Variants in NHEJ1 observed in about 807,000 individuals in gnomAD.
NHEJ1 encodes the protein non-homologous end-joining factor 1.
NHEJ1 carries 22 observed loss-of-function variants against 39.4 expected under a neutral mutation model. That is an observed-to-expected ratio of 0.56 (90% CI 0.40 to 0.80). NHEJ1 has a LOEUF of 0.80. Among genes scored for constraint, NHEJ1 ranks in the 30% least tolerant of loss-of-function variants. The probability of loss-of-function intolerance (pLI) is 0.00; values close to 1 mark genes in which losing one functional copy is unlikely to be tolerated. For missense variants in NHEJ1, 329 were observed against 357.1 expected, an observed-to-expected ratio of 0.92 and a Z score of 0.63; for synonymous variants, 154 against 135.6, an observed-to-expected ratio of 1.14 and a Z score of -0.94.
In NHEJ1 at chr2:219,070,719, T is replaced by C. The variant is rs1948949406; in HGVS notation, c.*5662A>G. ...TAATTCAAAATACCATTGTACAGCT[T>C]ATCCTTCTGAAATGATCTATTCCCT... On this transcript the variant is annotated 3_prime_UTR_variant, in exon 8 of 8. Coordinates refer to ENST00000356853, the MANE Select transcript of NHEJ1 (RefSeq NM_024782.3). Among the ~76,000 whole-genome samples, 1 of 152,146 alleles carries C rather than the reference T, an allele frequency of 6.6e-6. No individual in the cohort carries two copies. Among genetic ancestry groups the C allele is most frequent in the South Asian group, 2.1e-4 (1 of 4,826 alleles).
intron 5 of NHEJ1, among the ~76,000 whole-genome samples, chr2:219,136,433 C>A (rs1949629458): frequency 6.6e-6 from 1 of 151,938 alleles, no homozygotes; most frequent in Non-Finnish European, 1.5e-5. Context: ...GGATCACAAG[C>A]CTGTGCCACC....
At chr2:219,122,654 G>GCCT (rs1008784851) in intron 5 of NHEJ1, among the ~76,000 whole-genome samples, 18 of 152,042 alleles carry the variant, frequency 1.2e-4, no homozygotes, top group African/African-American at 4.1e-4. Context: ...CTTAAGATTT[G>GCCT]CCTCCTCCTC....
chr2:219,077,160 T>C (rs989539864), intron 7 of NHEJ1, 86 bp downstream of exon 7: 1 of 979,272 alleles, frequency 1.0e-6, no homozygotes, highest in African/African-American at 1.6e-5. Context: ...GCAGTGCCAA[T>C]GAAGCAGCAA....
rs963608211 is a variant in NHEJ1, at chr2:219,069,827, A to C, written c.*6554T>G. The C allele has an allele frequency of 6.6e-6, 1 of 152,234 alleles. No homozygotes were observed. Among genetic ancestry groups the C allele is most frequent in the African/African-American group, 2.4e-5 (1 of 41,464 alleles). 9.4% of individuals were successfully genotyped at this position (152,234 alleles called of 1,614,324 possible). A position where few individuals can be genotyped will look rare whatever the true frequency, so the allele number is the denominator to read the frequency against. Reference sequence around the variant, plus strand: ...ATAGGAAGCCTATAAAGTTGGCTTAAACCTCATGTTGATTAAACCTCATGG... The same window carrying C: ...ATAGGAAGCCTATAAAGTTGGCTTACACCTCATGTTGATTAAACCTCATGG... On this transcript the variant is annotated 3_prime_UTR_variant, in exon 8 of 8. Coordinates refer to ENST00000356853, the MANE Select transcript of NHEJ1 (RefSeq NM_024782.3).
At chr2:219,077,205 C>G in intron 7 of NHEJ1, 41 bp downstream of exon 7, 1 of 1,471,852 alleles carries the variant, frequency 6.8e-7, no homozygotes, top group Non-Finnish European at 9.5e-7. Context: ...CTATAGGTGC[C>G]AACTCTCAGA....
chr2:219,121,407 C>T (rs1949470124), intron 5 of NHEJ1, among the ~76,000 whole-genome samples: 1 of 152,152 alleles, frequency 6.6e-6, no homozygotes, highest in East Asian at 1.9e-4. Flanking sequence ...AATGAACTAC[C>T]ATTCAATCTA....
rs376861632 is a variant in NHEJ1 at position 219,147,736 on chromosome 2, C to G, written c.450G>C (p.Val150=). The G allele has an allele frequency of 6.2e-7, 1 of 1,614,180 alleles. No homozygotes were observed. The highest frequency in any genetic ancestry group is 1.1e-5 in the South Asian group (1 of 91,084). ...MGMSLALQCQ[V]RELATLLHMK... The stretch of plus-strand genomic sequence containing the variant: ...TATGAAGTAACGTTGCTAGCTCCCT[C>G]ACTTGGCACTGTAATGCCAGACTCA... Residue 150 remains valine (V), a synonymous_variant, in exon 4 of 8, where the codon GTG becomes GTC. Coordinates refer to ENST00000356853, the MANE Select transcript of NHEJ1 (RefSeq NM_024782.3).
At chr2:219,158,535 C>A (rs879638279) in intron 1 of NHEJ1, among the ~76,000 whole-genome samples, 173 bp from the exon 2 acceptor site, 2 of 152,156 alleles carry the variant, frequency 1.3e-5, no homozygotes, top group Non-Finnish European at 2.9e-5. Flanking sequence ...GACTTTACTA[C>A]CTCCTGGCCA....
chr2:219,098,408 C>T (rs981992632), intron 5 of NHEJ1, among the ~76,000 whole-genome samples: 9 of 152,122 alleles, frequency 5.9e-5, no homozygotes, highest in African/African-American at 2.2e-4. Flanking sequence ...ATTACCAGAG[C>T]AATTTCCTTG....
At chr2:219,105,085 T>G (rs1949301679) in intron 5 of NHEJ1, among the ~76,000 whole-genome samples, 1 of 152,168 alleles carries the variant, frequency 6.6e-6, no homozygotes, top group Non-Finnish European at 1.5e-5. Flanking sequence ...GGGGATATTC[T>G]GGTTAAACAC....
At chr2:219,137,642 C>T (rs1332037362) in intron 5 of NHEJ1, among the ~76,000 whole-genome samples, 5 of 146,398 alleles carry the variant, frequency 3.4e-5, no homozygotes, top group African/African-American at 1.3e-4. Flanking sequence ...TCTGCCAGCC[C>T]AACATTTAAG....
rs1445409672 is a variant in NHEJ1, at chr2:219,075,888, A to AC, written c.*492_*493insG. On this transcript the variant is annotated 3_prime_UTR_variant, in exon 8 of 8. Transcript: ENST00000356853. ...AGGACCAGACTGATGGCTAGACTTC[A>AC]TCCAGAGACAACAATGGGGTGGGAC... 5.4e-5 allele frequency: 9 copies of AC among 165,304 alleles called. No individual in the cohort carries two copies. Among genetic ancestry groups the AC allele is most frequent in the Admixed American group, 2.4e-4 (4 of 16,796 alleles). The allele number at this position is 165,304 out of a possible 1,614,324, so 10.2% of individuals were successfully genotyped here.
At chr2:219,100,091 T>A (rs559308182) in intron 5 of NHEJ1, among the ~76,000 whole-genome samples, 30 of 152,280 alleles carry the variant, frequency 2.0e-4, no homozygotes, top group African/African-American at 7.2e-4. Flanking sequence ...GGACATAAAG[T>A]AAGAATCTTC....
chr2:219,145,086 G>A (rs7597039), intron 5 of NHEJ1, among the ~76,000 whole-genome samples: 8 of 151,952 alleles, frequency 5.3e-5, no homozygotes, highest in Non-Finnish European at 8.8e-5. Flanking sequence ...GTGGTGGTGC[G>A]CACCTGTAAT....
chr2:219,158,435 T>C, intron 1 of NHEJ1, 73 bp from the exon 2 acceptor site: 1 of 1,421,986 alleles, frequency 7.0e-7, no homozygotes, highest in Non-Finnish European at 9.9e-7. Flanking sequence ...CCCAAACCAG[T>C]CTGTATCAAC....
intron 5 of NHEJ1, among the ~76,000 whole-genome samples, chr2:219,089,548 A>G (rs556518638): frequency 6.6e-6 from 1 of 152,330 alleles, no homozygotes; most frequent in East Asian, 1.9e-4. Flanking sequence ...ATCCATAAAG[A>G]CAGAGAGTAG....
At chr2:219,154,480 CA>C (rs1225488420) in intron 3 of NHEJ1, among the ~76,000 whole-genome samples, 1 of 151,886 alleles carries the variant, frequency 6.6e-6, no homozygotes, top group Non-Finnish European at 1.5e-5. Context: ...ATTACTCATT[CA>C]AAAAAATTAA....
At chr2:219,088,941 T>C (rs1411650213) in intron 5 of NHEJ1, among the ~76,000 whole-genome samples, 1 of 152,006 alleles carries the variant, frequency 6.6e-6, no homozygotes, top group African/African-American at 2.4e-5. Context: ...GCCTCCCGAG[T>C]AGCTGGGACT....
At chr2:219,091,802 GTATGTGTATATATGAAGTA>G (rs1949162259) in intron 5 of NHEJ1, among the ~76,000 whole-genome samples, 1 of 150,342 alleles carries the variant, frequency 6.7e-6, no homozygotes, top group Admixed American at 6.6e-5. Flanking sequence ...ATGAACAAGG[GTATGTGTATATATGAAGTA>G]TGTGTGTATA....
Sources: gnomAD v4.1 joint callset for allele counts (sites outside exome capture counted in the v4.1 genomes callset) on GRCh38, gnomAD v4.1.1 for gene constraint, MANE v1.5 for transcripts, NCBI Gene and HGNC (gene_info 2026-07-23, HGNC 2026-07-21) for gene names.